The following FNBP1 variants were observed in gnomAD, a reference collection of about 807,000 sequenced individuals.
FNBP1 encodes the protein formin binding protein 1, also known as formin-binding protein 1.
Under a neutral mutation model 90.6 loss-of-function variants are expected in FNBP1, and 26 were observed. The observed-to-expected ratio is 0.29, with a 90% CI of 0.21 to 0.40. The LOEUF (loss-of-function observed/expected upper bound fraction) is 0.40, where lower values mean the gene tolerates loss of function less well. Among genes scored for constraint, FNBP1 ranks in the 10% least tolerant of loss-of-function variants. The pLI, the probability that FNBP1 is intolerant of heterozygous loss-of-function variation, is 1.00. For missense variants in FNBP1, 635 were observed against 768.0 expected (o/e 0.83, Z 2.05); for synonymous variants, 260 against 265.2 (o/e 0.98, Z 0.19).
intron 4 of FNBP1, among the ~76,000 whole-genome samples, chr9:129,971,583 G>T (rs1413791934): frequency 1.3e-5 from 2 of 152,142 alleles, no homozygotes; most frequent in Non-Finnish European, 2.9e-5. Context: ...CAGAGACAGG[G>T]TTTCACCATG....
At chr9:130,038,276 A>G (rs1426920692) in intron 1 of FNBP1, among the ~76,000 whole-genome samples, 5 of 147,502 alleles carry the variant, frequency 3.4e-5, no homozygotes, top group Admixed American at 6.7e-5. Context: ...AATGGCGTCA[A>G]CCCGGGAGGC....
intron 15 of FNBP1, 89 bp downstream of exon 15, chr9:129,899,872 CAGAA>C (rs1015282410): frequency 1.0e-5 from 12 of 1,160,570 alleles, no homozygotes; most frequent in African/African-American, 4.8e-5. Context: ...TAAAAATGAT[CAGAA>C]GGAAGGAAGG....
At chr9:129,954,339 T>C (rs1384086422) in intron 6 of FNBP1, among the ~76,000 whole-genome samples, 1 of 152,044 alleles carries the variant, frequency 6.6e-6, no homozygotes, top group Non-Finnish European at 1.5e-5. Flanking sequence ...TAATTTTACA[T>C]ATATTATTTC....
intron 6 of FNBP1, among the ~76,000 whole-genome samples, chr9:129,949,937 T>A (rs1249869667): frequency 6.6e-6 from 1 of 152,142 alleles, no homozygotes; most frequent in Non-Finnish European, 1.5e-5. Flanking sequence ...AAGGCTTTTG[T>A]AAGCACAGGC....
chr9:129,902,903 A>G lies in FNBP1; in HGVS notation c.1394T>C (p.Ile465Thr), dbSNP rs556090035. Residue 465 changes from isoleucine (I) to threonine (T), a missense_variant, in exon 13 of 17, where the codon ATA becomes ACA. Transcript: ENST00000446176. The part of the protein sequence containing the change: ...DHKLAEVSQN[I>T]EKLRVETQKF... ...CTGGGTCTCTACTCGCAGTTTCTCT[A>G]TATTTTGGCTGACTTCTGCTAATTT... 33 of 1,613,622 alleles carry G rather than the reference A, an allele frequency of 2.0e-5. No individual in the cohort carries two copies. Among genetic ancestry groups the G allele is most frequent in the Admixed American group, 5.0e-5 (3 of 59,950 alleles).
At chr9:129,953,946 C>T (rs965355283) in intron 6 of FNBP1, among the ~76,000 whole-genome samples, 1 of 151,806 alleles carries the variant, frequency 6.6e-6, no homozygotes, top group Non-Finnish European at 1.5e-5. Context: ...GGTTCATGCC[C>T]ATAATCCTAA....
chr9:130,042,215 C>G lies in FNBP1; in HGVS notation c.24+737G>C. On this transcript the variant is annotated intron_variant, in intron 1 of 16. Coordinates refer to ENST00000446176, the MANE Select transcript of FNBP1 (RefSeq NM_015033.3). This position sits in a 1 kb window ranked among gnomAD's most constrained non-coding sequence, Gnocchi z 5.5. ...CACCGCCAACTTTCCCCACTGGAAA[C>G]TATTCTCCGAGCAACCGTTAAAGAT... Among the ~76,000 whole-genome samples the G allele has an allele frequency of 6.6e-6, 1 of 152,120 alleles. No individual in the cohort carries two copies. Among genetic ancestry groups the G allele is most frequent in the Admixed American group, 6.6e-5 (1 of 15,254 alleles).
At chr9:129,910,825 AGACACACTGACT>A (rs1328273040) in intron 11 of FNBP1, among the ~76,000 whole-genome samples, 5 of 142,860 alleles carry the variant, frequency 3.5e-5, no homozygotes, top group African/African-American at 1.3e-4. Context: ...CACACCCATC[AGACACACTGACT>A]GACTCTCTAA....
At chr9:129,999,608 A>G (rs1323886577) in intron 1 of FNBP1, among the ~76,000 whole-genome samples, 1 of 152,142 alleles carries the variant, frequency 6.6e-6, no homozygotes, top group Non-Finnish European at 1.5e-5. Context: ...CAAAAAAAAA[A>G]AAAATCATTG....
intron 1 of FNBP1, among the ~76,000 whole-genome samples, chr9:130,021,450 G>A (rs747107910): frequency 6.6e-6 from 1 of 152,144 alleles, no homozygotes; most frequent in African/African-American, 2.4e-5. Flanking sequence ...CTTCTCCCAC[G>A]TGCCATGAGA....
rs1433201699 is a variant in FNBP1, at chr9:129,905,884, T to TC, written c.1296-2884_1296-2883insG. 7.9e-5 allele frequency among the ~76,000 whole-genome samples: 12 copies of TC among 151,292 alleles called. No homozygotes were observed. In the East Asian group the frequency reaches 2.3e-3, roughly 29 times the overall value. ...GCTTATTTAGAGGCATATTTCTTTT[T>TC]TTTTTTGTTTTTTTTTGAGACTGAG... On this transcript the variant is annotated intron_variant, in intron 12 of 16. Coordinates refer to ENST00000446176, the MANE Select transcript of FNBP1 (RefSeq NM_015033.3).
chr9:129,998,689 C>G (rs535806070), intron 1 of FNBP1, among the ~76,000 whole-genome samples: 1 of 152,290 alleles, frequency 6.6e-6, no homozygotes, highest in East Asian at 1.9e-4. Context: ...CACCATATCA[C>G]TTTGCATTCA....
Position 129,941,695 on chromosome 9 carries a change from G to C in FNBP1, c.514-12000C>G, listed in dbSNP as rs560050958. ...GCCCAGCCTGGTCTCGAACTCCTGG[G>C]CTCAAGTGATCCTTCCACCTTGGCC... On this transcript the variant is annotated intron_variant, in intron 6 of 16. Transcript: ENST00000446176. 5.3e-5 allele frequency among the ~76,000 whole-genome samples: 8 copies of C among 152,250 alleles called. No homozygotes were observed. The East Asian group carries it at 9.7e-4, about 19-fold the overall frequency.
chr9:129,934,425 G>T (rs895680593), intron 6 of FNBP1, among the ~76,000 whole-genome samples: 1 of 152,152 alleles, frequency 6.6e-6, no homozygotes, highest in African/African-American at 2.4e-5. Context: ...GGTCACAGAC[G>T]TCTTAGAATC....
chr9:129,922,373 C>T (rs1469539862), intron 10 of FNBP1, among the ~76,000 whole-genome samples: 3 of 152,180 alleles, frequency 2.0e-5, no homozygotes, highest in South Asian at 2.1e-4. Context: ...CAACCACTTA[C>T]GAGTCAATAT....
intron 6 of FNBP1, among the ~76,000 whole-genome samples, chr9:129,940,623 TATAC>T (rs1255685623): frequency 6.7e-6 from 1 of 149,032 alleles, no homozygotes; most frequent in Non-Finnish European, 1.5e-5. Context: ...TATATATATA[TATAC>T]ATATATATAC....
At chr9:129,933,236 T>TACAC (rs960722935) in intron 6 of FNBP1, among the ~76,000 whole-genome samples, 3 of 151,758 alleles carry the variant, frequency 2.0e-5, no homozygotes, top group Non-Finnish European at 4.4e-5. Flanking sequence ...CGCACACACA[T>TACAC]ACACACACAC....
intron 16 of FNBP1, among the ~76,000 whole-genome samples, chr9:129,895,090 A>T (rs1197961392): frequency 6.6e-6 from 1 of 151,848 alleles, no homozygotes; most frequent in Non-Finnish European, 1.5e-5. Flanking sequence ...AACAACAAAA[A>T]CCTGTCAATT....
At chr9:129,975,085 A>AG (rs1204881169) in intron 4 of FNBP1, among the ~76,000 whole-genome samples, 4 of 151,976 alleles carry the variant, frequency 2.6e-5, no homozygotes, top group Non-Finnish European at 5.9e-5. Flanking sequence ...CGGGCATGGT[A>AG]GGGGGTACCT....
Sources: allele counts gnomAD v4.1 joint callset (sites outside exome capture counted in the v4.1 genomes callset), GRCh38; gene constraint gnomAD v4.1.1; non-coding constraint Gnocchi (gnomAD v3.1); transcripts MANE v1.5; gene names NCBI Gene and HGNC (gene_info 2026-07-23, HGNC 2026-07-21).